STAU1: variants seen among roughly 807,000 people sequenced by gnomAD.
STAU1 encodes the protein staufen double-stranded RNA binding protein 1, also known as double-stranded RNA-binding protein Staufen homolog 1.
STAU1 carries 13 observed loss-of-function variants against 62.9 expected under a neutral mutation model. That is an observed-to-expected ratio of 0.21 (90% confidence interval 0.13 to 0.33). STAU1 has a LOEUF of 0.33. STAU1 is among the 10% of genes least tolerant of loss of function. STAU1 has a pLI of 1.00. For synonymous variants in STAU1, 269 were observed against 265.1 expected, an observed-to-expected ratio of 1.01 and a Z score of -0.14; for missense variants, 571 against 712.1, an observed-to-expected ratio of 0.80 and a Z score of 2.25.
At chr20:49,185,827 T>C (rs1187286852) in intron 1 of STAU1, among the ~76,000 whole-genome samples, 1 of 152,194 alleles carries the variant, frequency 6.6e-6, no homozygotes, top group African/African-American at 2.4e-5. Context: ...GATATGGCAG[T>C]ATTAGACATG....
chr20:49,118,092 A>G lies in STAU1; in HGVS notation c.1194T>C (p.Asn398=), dbSNP rs772153496. 1.2e-6 allele frequency: 2 copies of G among 1,613,600 alleles called. No homozygotes were observed. The highest frequency in any genetic ancestry group is 1.7e-6 in the Non-Finnish European group (2 of 1,179,710). ...AAGGCATCCTGAACTCATCCTCTTT[A>G]TTACCTGGGAGGGACATACACGGTA... ...PGSGDENGTS[N]KEDEFRMPYL... The change falls in exon 11 of 14, where the codon AAT becomes AAC. Residue 398 remains asparagine, a synonymous_variant. Coordinates refer to ENST00000371856, the MANE Select transcript of STAU1 (RefSeq NM_017453.4).
chr20:49,140,543 T>C (rs1242947133), intron 5 of STAU1, among the ~76,000 whole-genome samples: 1 of 151,908 alleles, frequency 6.6e-6, no homozygotes, highest in Non-Finnish European at 1.5e-5. Flanking sequence ...GTAAGTAACA[T>C]AAGCCACACA....
At chr20:49,115,708 G>A (rs1410702591) in intron 13 of STAU1, 74 bp downstream of exon 13, 1 of 1,271,902 alleles carries the variant, frequency 7.9e-7, no homozygotes, top group Non-Finnish European at 1.1e-6. Flanking sequence ...TGAGTCAGCA[G>A]ATAGTGTAAA....
chr20:49,207,020 CT>C, the STAU1 span, among the ~76,000 whole-genome samples: 1 of 151,966 alleles, frequency 6.6e-6, no homozygotes, highest in South Asian at 2.1e-4. Flanking sequence ...TCCCCAAGTG[CT>C]GGGATTACAG....
At chr20:49,204,550 A>T in the STAU1 span, among the ~76,000 whole-genome samples, 1 of 137,520 alleles carries the variant, frequency 7.3e-6, no homozygotes, top group Non-Finnish European at 1.5e-5. Flanking sequence ...TGCTGCTGTC[A>T]ACATTCTTGT....
At chr20:49,124,202 T>C (rs1477492820) in intron 7 of STAU1, among the ~76,000 whole-genome samples, 173 bp downstream of exon 7, 1 of 152,210 alleles carries the variant, frequency 6.6e-6, no homozygotes, top group African/African-American at 2.4e-5. Flanking sequence ...TGACACAATG[T>C]CCTTATCTTA....
chr20:49,116,598 C>T (rs540790265), intron 12 of STAU1, among the ~76,000 whole-genome samples: 14 of 152,098 alleles, frequency 9.2e-5, no homozygotes, highest in African/African-American at 3.1e-4. Context: ...CTCAGCCTCC[C>T]GCAGTGCTGG....
upstream of STAU1, chr20:49,188,392 CCCCGGCCCCCGCCCGCCTCCAGG>C (rs905794740): frequency 6.6e-6 from 1 of 151,632 alleles, no homozygotes; most frequent in African/African-American, 2.4e-5. Flanking sequence ...AGGCGCCCGC[CCCCGGCCCCCGCCCGCCTCCAGG>C]CCCGGCCCCG....
At chr20:49,169,936 G>A (rs2093575687) in intron 2 of STAU1, among the ~76,000 whole-genome samples, 1 of 152,130 alleles carries the variant, frequency 6.6e-6, no homozygotes, top group South Asian at 2.1e-4. Context: ...TGTCCTCCTG[G>A]TTCTTAAGAT....
chr20:49,172,810 T>G (rs1370305250), intron 2 of STAU1, among the ~76,000 whole-genome samples: 1 of 152,056 alleles, frequency 6.6e-6, no homozygotes, highest in Non-Finnish European at 1.5e-5. Flanking sequence ...TATAATAGGA[T>G]ATTTGACAAA....
chr20:49,129,410 C>A (rs921102894), intron 6 of STAU1, among the ~76,000 whole-genome samples: 3 of 150,232 alleles, frequency 2.0e-5, no homozygotes, highest in African/African-American at 7.4e-5. Flanking sequence ...CCCTCAGCCC[C>A]CTGAGTACCT....
intron 1 of STAU1, 129 bp downstream of exon 1, chr20:49,187,987 G>C (rs1285600035): frequency 1.3e-5 from 2 of 151,768 alleles, no homozygotes; most frequent in African/African-American, 4.8e-5. Context: ...GCGGGCTAGA[G>C]AGAGGCCCGG....
At chr20:49,148,310 C>T (rs978124120) in intron 5 of STAU1, among the ~76,000 whole-genome samples, 2 of 152,088 alleles carry the variant, frequency 1.3e-5, no homozygotes, top group African/African-American at 4.8e-5. Context: ...TTATTCAATA[C>T]CCCCAAGAAA....
chr20:49,114,651 G>C lies in STAU1; in HGVS notation c.*227C>G. 1 of 507,408 alleles carries C rather than the reference G, an allele frequency of 2.0e-6. No individual in the cohort carries two copies. Among genetic ancestry groups the C allele is most frequent in the Non-Finnish European group, 3.6e-6 (1 of 279,226 alleles). 31.4% of individuals were successfully genotyped at this position (507,408 alleles called of 1,614,324 possible). On this transcript the variant is annotated 3_prime_UTR_variant, in exon 14 of 14. Transcript: ENST00000371856. ...CCCCACAGGCAGCTGCTATTGCGTA[G>C]GGACCGCCAGGTCACCGAGTGGCCA...
At chr20:49,142,930 T>C (rs1482218284) in intron 5 of STAU1, among the ~76,000 whole-genome samples, 1 of 152,038 alleles carries the variant, frequency 6.6e-6, no homozygotes, top group Non-Finnish European at 1.5e-5. Flanking sequence ...AGCCTCCTCA[T>C]TAGCTGAGAC....
intron 6 of STAU1, among the ~76,000 whole-genome samples, chr20:49,127,997 A>C (rs2092669123): frequency 1.3e-5 from 2 of 152,214 alleles, no homozygotes; most frequent in Admixed American, 6.5e-5. Flanking sequence ...TAAAAATACA[A>C]AATTACCTGG....
chr20:49,129,386 C>G (rs184096042), intron 6 of STAU1, among the ~76,000 whole-genome samples: 2 of 134,892 alleles, frequency 1.5e-5, no homozygotes, highest in African/African-American at 5.7e-5. Context: ...CTCCTGGGTT[C>G]AAGCGTTTCT....
the STAU1 span, among the ~76,000 whole-genome samples, chr20:49,195,823 C>T: frequency 7.1e-6 from 1 of 141,600 alleles, no homozygotes; most frequent in African/African-American, 2.6e-5. Context: ...GAATTGCTTG[C>T]ACCCAGGAGG....
the STAU1 span, among the ~76,000 whole-genome samples, chr20:49,217,347 C>G: frequency 6.6e-6 from 1 of 152,046 alleles, no homozygotes. Context: ...AAACATGGTT[C>G]CTGGAGTCCC....
Sources: allele counts gnomAD v4.1 joint callset (sites outside exome capture counted in the v4.1 genomes callset), GRCh38; gene constraint gnomAD v4.1.1; transcripts MANE v1.5; gene names NCBI Gene and HGNC (gene_info 2026-07-23, HGNC 2026-07-21).